The following ZNF304 variants were observed in gnomAD, a reference collection of about 807,000 sequenced individuals.
The protein encoded by ZNF304 is zinc finger protein 304.
In ZNF304, 7 loss-of-function variants were observed where a neutral mutation model predicts 7.8. The observed-to-expected ratio is 0.90, with a 90% CI of 0.51 to 1.69. The LOEUF (loss-of-function observed/expected upper bound fraction) is 1.69, where lower values mean the gene tolerates loss of function less well. Among genes scored for constraint, ZNF304 ranks in the 40% most tolerant of loss-of-function variants. The pLI is 0.00. For missense variants in ZNF304, 669 were observed against 804.8 expected (o/e 0.83, Z 2.04); for synonymous variants, 280 against 272.4 (o/e 1.03, Z -0.27).
At chr19:57,354,008 G>GT (rs1377448713) in intron 2 of ZNF304, among the ~76,000 whole-genome samples, 157 bp downstream of exon 2, 1 of 148,634 alleles carries the variant, frequency 6.7e-6, no homozygotes, top group Non-Finnish European at 1.5e-5. Flanking sequence ...TTTTTTTTTT[G>GT]TTTTTTGTTT....
At chr19:57,355,993 G>A (rs1159670496) in intron 2 of ZNF304, 37 bp from the exon 3 acceptor site, 5 of 1,563,998 alleles carry the variant, frequency 3.2e-6, no homozygotes, top group East Asian at 2.3e-5. Context: ...TCCCACCAAA[G>A]TCAGCATGCA....
rs568379238 is a variant in ZNF304, at chr19:57,359,575, A to G, written c.*1726A>G. 15 of 152,372 alleles carry G rather than the reference A, an allele frequency of 9.8e-5. No individual in the cohort carries two copies. Among genetic ancestry groups the G allele is most frequent in the African/African-American group, 3.6e-4 (15 of 41,582 alleles). 9.4% of individuals were successfully genotyped at this position (152,372 alleles called of 1,614,324 possible). A position where few individuals can be genotyped will look rare whatever the true frequency, so the allele number is the denominator to read the frequency against. On this transcript the variant is annotated 3_prime_UTR_variant, in exon 3 of 3. Transcript: ENST00000282286. ...CAACACAACAAAAGATTGTCCCTTT[A>G]TAATCCTCAATTTTTCCTTATCTTG...
At position 57,357,044 on chromosome 19, in the gene ZNF304, A is replaced by G. The variant is rs1161559654; in HGVS notation, c.1175A>G (p.Glu392Gly). The G allele has an allele frequency of 6.2e-7, 1 of 1,614,232 alleles. No individual in the cohort carries two copies. The highest frequency in any genetic ancestry group is 8.5e-7 in the Non-Finnish European group (1 of 1,180,036). ...TTTCATACTGGAGAAAGGCCTTATGAGTGCAGTGAATGTGGAAAATTCTTT... is the reference window on the plus strand; with the variant it reads ...TTTCATACTGGAGAAAGGCCTTATGGGTGCAGTGAATGTGGAAAATTCTTT... Reference protein sequence around the residue: ...QRFHTGERPYECSECGKFFSQ... With the variant: ...QRFHTGERPYGCSECGKFFSQ... The change falls in exon 3 of 3, where the codon GAG becomes GGG. Residue 392 changes from glutamate (E) to glycine (G), a missense_variant. Physicochemically the swap from Glu to Gly is moderately conservative, Grantham distance 98. Transcript: ENST00000282286.
chr19:57,357,381 G>A lies in ZNF304; in HGVS notation c.1512G>A (p.Glu504=), dbSNP rs752388844. The stretch of plus-strand genomic sequence containing the variant: ...TCCACACTGGAGAAAGGCCTTATGA[G>A]TGTGGTGAATGTGGTAAATTCTTCA... ...QKIHTGERPY[E]CGECGKFFSH... The change falls in exon 3 of 3, where the codon GAG becomes GAA. Residue 504 remains glutamate, a synonymous_variant. Transcript: ENST00000282286. The A allele has an allele frequency of 5.6e-6, 9 of 1,614,072 alleles. No homozygotes were observed. The highest frequency in any genetic ancestry group is 1.7e-4 in the Middle Eastern group (1 of 6,060).
chr19:57,352,766 T>C (rs2088291359), intron 1 of ZNF304: 1 of 152,314 alleles, frequency 6.6e-6, no homozygotes, highest in Non-Finnish European at 1.5e-5. Flanking sequence ...TTCTGTTTTT[T>C]AAAGTAGGGT....
In ZNF304 at chr19:57,351,723, A is replaced by G. The variant is rs747853660; in HGVS notation, c.33+26A>G. 2 of 1,603,878 alleles carry G rather than the reference A, an allele frequency of 1.2e-6. No individual in the cohort carries two copies. The highest frequency in any genetic ancestry group is 1.1e-5 in the South Asian group (1 of 89,620). ...GTGAGTGGGGGCATCCCTCAAGCGCACCCCGGCCTGGTTGGTGTGTCCTGG... is the reference window on the plus strand; with the variant it reads ...GTGAGTGGGGGCATCCCTCAAGCGCGCCCCGGCCTGGTTGGTGTGTCCTGG... On this transcript the variant is annotated intron_variant, in intron 1 of 2. Coordinates refer to ENST00000282286, the MANE Select transcript of ZNF304 (RefSeq NM_020657.4). This position sits in a 1 kb window ranked among gnomAD's most constrained non-coding sequence, Gnocchi z 4.1.
In ZNF304 at chr19:57,357,274, C is replaced by T; in HGVS notation, c.1405C>T (p.His469Tyr). The T allele has an allele frequency of 1.2e-6, 2 of 1,614,222 alleles. No individual in the cohort carries two copies. The highest frequency in any genetic ancestry group is 1.7e-6 in the Non-Finnish European group (2 of 1,180,044). Reference sequence around the variant, plus strand: ...CACACTTGTTCAGCACCAGATAATTCACACTGGAGCAAGGCCTTATGAGTG... The same window carrying T: ...CACACTTGTTCAGCACCAGATAATTTACACTGGAGCAAGGCCTTATGAGTG... ...KDTLVQHQIIHTGARPYECSE... is the reference protein window; with the variant it reads ...KDTLVQHQIIYTGARPYECSE... Residue 469 changes from histidine (H) to tyrosine (Y), a missense_variant, in exon 3 of 3, where the codon CAC becomes TAC. Physicochemically the swap from His to Tyr is moderately conservative, Grantham distance 83. Transcript: ENST00000282286.
Position 57,356,381 on chromosome 19 carries a change from A to C in ZNF304, c.512A>C (p.Glu171Ala). Reference protein sequence around the residue: ...HMLGRSFTCREEGMDLPDSSG... With the variant: ...HMLGRSFTCRAEGMDLPDSSG... ...TTAGGGAGATCCTTTACGTGCAGGG[A>C]GGAAGGGATGGACTTACCAGATAGC... The change falls in exon 3 of 3, where the codon GAG becomes GCG. Residue 171 changes from glutamate (E) to alanine (A), a missense_variant. Coordinates refer to ENST00000282286, the MANE Select transcript of ZNF304 (RefSeq NM_020657.4). 1 of 1,614,134 alleles carries C rather than the reference A, an allele frequency of 6.2e-7. No homozygotes were observed. Among genetic ancestry groups the C allele is most frequent in the Non-Finnish European group, 8.5e-7 (1 of 1,180,018 alleles).
chr19:57,352,315 G>C (rs191871168), intron 1 of ZNF304, among the ~76,000 whole-genome samples: 1 of 152,212 alleles, frequency 6.6e-6, no homozygotes, highest in Non-Finnish European at 1.5e-5. Context: ...GAGACAGGGG[G>C]CAGTGAATGG....
rs2088337536 is a variant in ZNF304, at chr19:57,356,271, G to A, written c.402G>A (p.Gln134=). 6.2e-7 allele frequency: 1 copy of A among 1,614,124 alleles called. No individual in the cohort carries two copies. Among genetic ancestry groups the A allele is most frequent in the Non-Finnish European group, 8.5e-7 (1 of 1,180,062 alleles). Residue 134 remains glutamine (Q), a synonymous_variant, in exon 3 of 3, where the codon CAG becomes CAA. Transcript: ENST00000282286. ...TCTCGTTCAGTGCAAACTTTTACCA[G>A]CACCAGAAGCAACATAATGGAGAGA... ...RRFSFSANFY[Q]HQKQHNGENC... is the part of the protein sequence containing the mutation.
In ZNF304 at chr19:57,356,632, C is replaced by T. The variant is rs1024667785; in HGVS notation, c.763C>T (p.Pro255Ser). 1.9e-6 allele frequency: 3 copies of T among 1,614,150 alleles called. No individual in the cohort carries two copies. Among genetic ancestry groups the T allele is most frequent in the Non-Finnish European group, 2.5e-6 (3 of 1,180,036 alleles). The change falls in exon 3 of 3, where the codon CCA (proline) becomes TCA (serine). Residue 255 changes from proline (P) to serine (S), a missense_variant. Coordinates refer to ENST00000282286, the MANE Select transcript of ZNF304 (RefSeq NM_020657.4). ...HAEVRPFRCL[P>S]CGNVFKEKSA... ...TGAGGTGAGACCCTTCAGATGCCTA[C>T]CATGTGGAAATGTGTTCAAGGAGAA... is the stretch of plus-strand genomic sequence containing the variant.
At chr19:57,352,467 G>A (rs961225607) in intron 1 of ZNF304, among the ~76,000 whole-genome samples, 1 of 152,198 alleles carries the variant, frequency 6.6e-6, no homozygotes, top group African/African-American at 2.4e-5. Flanking sequence ...ATGCTTGTAG[G>A]ATTGAGTTTG....
Position 57,355,173 on chromosome 19 carries a change from G to A in ZNF304, c.161-857G>A, listed in dbSNP as rs2088318872. 6 of 700,100 alleles carry A rather than the reference G, an allele frequency of 8.6e-6. No individual in the cohort carries two copies. The South Asian group carries it at 8.9e-5, about 10-fold the overall frequency. The allele number at this position is 700,100 out of a possible 1,614,324, so 43.4% of individuals were successfully genotyped here. A position where few individuals can be genotyped will look rare whatever the true frequency, so the allele number is the denominator to read the frequency against. ...CTTGTGGTGATTACAGGGCTGTCCT[G>A]GTACATCCGCCTTGGAGAGTATTTT... On this transcript the variant is annotated intron_variant, in intron 2 of 2. Transcript: ENST00000282286.
Position 57,357,705 on chromosome 19 carries a change from A to C in ZNF304, c.1836A>C (p.Glu612Asp). The change falls in exon 3 of 3, where the codon GAA becomes GAC. Residue 612 changes from glutamate to aspartate, a missense_variant. Physicochemically the swap from Glu to Asp is conservative, Grantham distance 45. Transcript: ENST00000282286. ...LILHQRVHTG[E>D]KPYVCSECGK... ...TGCACCAGAGGGTTCACACTGGAGA[A>C]AAGCCTTACGTATGCAGCGAATGTG... 4 of 1,614,256 alleles carry C rather than the reference A, an allele frequency of 2.5e-6. No individual in the cohort carries two copies. The highest frequency in any genetic ancestry group is 3.4e-6 in the Non-Finnish European group (4 of 1,180,040).
intron 2 of ZNF304, among the ~76,000 whole-genome samples, chr19:57,355,564 C>T (rs1600066622): frequency 6.6e-6 from 1 of 152,222 alleles, no homozygotes; most frequent in Admixed American, 6.5e-5. Flanking sequence ...TGTCTTCCAT[C>T]CTTTGGGTGT....
Position 57,351,814 on chromosome 19 carries a change from C to A in ZNF304, c.33+117C>A. ...TCGCATTATGTGGAGGGGTTCCGCTCCCCTCATCAGTGGCATAAGGTGTGG... is the reference window on the plus strand; with the variant it reads ...TCGCATTATGTGGAGGGGTTCCGCTACCCTCATCAGTGGCATAAGGTGTGG... On this transcript the variant is annotated intron_variant, in intron 1 of 2. Transcript: ENST00000282286. This position sits in a 1 kb window ranked among gnomAD's most constrained non-coding sequence, Gnocchi z 4.1. The A allele has an allele frequency of 8.5e-7, 1 of 1,174,902 alleles. No individual in the cohort carries two copies. Among genetic ancestry groups the A allele is most frequent in the Non-Finnish European group, 1.2e-6 (1 of 832,292 alleles). 72.8% of individuals were successfully genotyped at this position (1,174,902 alleles called of 1,614,324 possible). A position where few individuals can be genotyped will look rare whatever the true frequency, so the allele number is the denominator to read the frequency against.
At position 57,358,425 on chromosome 19, in the gene ZNF304, C is replaced by G. The variant is rs1392323463; in HGVS notation, c.*576C>G. 2.0e-5 allele frequency: 3 copies of G among 153,016 alleles called. No individual in the cohort carries two copies. Among genetic ancestry groups the G allele is most frequent in the Non-Finnish European group, 2.9e-5 (2 of 68,726 alleles). 9.5% of individuals were successfully genotyped at this position (153,016 alleles called of 1,614,324 possible). The stretch of plus-strand genomic sequence containing the variant: ...AACGTGATAGCTGTGACTTACTTGT[C>G]TTACTGCCAAATCGCCCAAATTTGG... On this transcript the variant is annotated 3_prime_UTR_variant, in exon 3 of 3. Transcript: ENST00000282286.
intron 2 of ZNF304, among the ~76,000 whole-genome samples, chr19:57,355,617 A>G (rs1020360322): frequency 6.6e-6 from 1 of 152,146 alleles, no homozygotes; most frequent in Non-Finnish European, 1.5e-5. Flanking sequence ...GCTCTCTTCA[A>G]CACTAGCTTA....
rs1225444308 is a variant in ZNF304 at position 57,357,385 on chromosome 19, G to T, written c.1516G>T (p.Gly506Cys). 1 of 1,612,256 alleles carries T rather than the reference G, an allele frequency of 6.2e-7. No homozygotes were observed. Among genetic ancestry groups the T allele is most frequent in the South Asian group, 1.1e-5 (1 of 90,982 alleles). The change falls in exon 3 of 3, where the codon GGT (glycine) becomes TGT (cysteine). Residue 506 changes from glycine to cysteine, a missense_variant. Gly to Cys is a radical substitution (Grantham distance 159, BLOSUM62 -3). Transcript: ENST00000282286. ...CACTGGAGAAAGGCCTTATGAGTGTGGTGAATGTGGTAAATTCTTCAGCCA... is the reference window on the plus strand; with the variant it reads ...CACTGGAGAAAGGCCTTATGAGTGTTGTGAATGTGGTAAATTCTTCAGCCA... ...IHTGERPYEC[G>C]ECGKFFSHSS...
Sources: gnomAD v4.1 joint callset for allele counts (sites outside exome capture counted in the v4.1 genomes callset) on GRCh38, gnomAD v4.1.1 for gene constraint, Gnocchi (gnomAD v3.1) non-coding constraint, MANE v1.5 for transcripts, NCBI Gene and HGNC (gene_info 2026-07-23, HGNC 2026-07-21) for gene names.